The following SVEP1 variants were observed in gnomAD, a reference collection of about 807,000 sequenced individuals.
SVEP1 encodes the protein sushi, von Willebrand factor type A, EGF and pentraxin domain containing 1.
A neutral mutation model predicts 367.3 loss-of-function variants in SVEP1; 164 were observed. The ratio of observed to expected loss-of-function variants is 0.45; its 90% CI spans 0.39 to 0.51. SVEP1 has a LOEUF of 0.51. Among genes scored for constraint, SVEP1 ranks in the 20% least tolerant of loss-of-function variants. The pLI, the probability that SVEP1 is intolerant of heterozygous loss-of-function variation, is 0.00. For synonymous variants in SVEP1, 1,666 were observed against 1,611.6 expected (o/e 1.03, Z -0.81); for missense variants, 4,117 against 4,425.3 (o/e 0.93, Z 1.98).
At chr9:110,474,321 T>A (rs1175424045) in intron 14 of SVEP1, among the ~76,000 whole-genome samples, 1 of 152,142 alleles carries the variant, frequency 6.6e-6, no homozygotes, top group Non-Finnish European at 1.5e-5. Flanking sequence ...TTATATTACA[T>A]GATTATTATG....
chr9:110,511,488 C>CTTTTTTTTTTTTTTTTTT (rs199993986), intron 5 of SVEP1, among the ~76,000 whole-genome samples: 4 of 77,572 alleles, frequency 5.2e-5, no homozygotes, highest in East Asian at 4.4e-4. Flanking sequence ...GTGTCAGTAC[C>CTTTTTTTTTTTTTTTTTT]TTTTTTTTTT....
At position 110,380,175 on chromosome 9, in the gene SVEP1, C is replaced by T. The variant is rs147006405; in HGVS notation, c.10238-658G>A. Among the ~76,000 whole-genome samples, 1,371 of 152,116 alleles carry T rather than the reference C, an allele frequency of 9.0e-3. 26 individuals are homozygous for T. Among genetic ancestry groups the T allele is most frequent in the African/African-American group, 0.031 (1,298 of 41,520 alleles). On this transcript the variant is annotated intron_variant, in intron 43 of 47. Transcript: ENST00000374469. ...TCCTCTCTTTTAAAAGGGACATATG[C>T]GTATATTTAAATAGAAATTTTTATA...
intron 3 of SVEP1, among the ~76,000 whole-genome samples, chr9:110,517,597 C>CAA (rs10656763): frequency 0.36 from 44,586 of 125,488 alleles, 8,304 homozygotes; most frequent in Middle Eastern, 0.48. Flanking sequence ...GACGCTATCT[C>CAA]AAAAAAAAAA....
chr9:110,488,627 C>A (rs1167002417), intron 9 of SVEP1, among the ~76,000 whole-genome samples: 1 of 151,528 alleles, frequency 6.6e-6, no homozygotes, highest in Non-Finnish European at 1.5e-5. Flanking sequence ...TTTGGGAGGC[C>A]AACGTGAGAG....
At chr9:110,395,435 C>T (rs543220386) in intron 40 of SVEP1, among the ~76,000 whole-genome samples, 247 of 152,292 alleles carry the variant, frequency 1.6e-3, no homozygotes, top group Middle Eastern at 0.014. Flanking sequence ...TAGGAAGAAA[C>T]TGCATCAACT....
At chr9:110,471,636 G>A in intron 15 of SVEP1, 39 bp from the exon 16 acceptor site, 1 of 1,460,436 alleles carries the variant, frequency 6.8e-7, no homozygotes, top group Admixed American at 2.0e-5. Flanking sequence ...ACAAACACAT[G>A]GTGTTTCAGA....
chr9:110,476,398 C>T (rs576557250), intron 13 of SVEP1, 83 bp from the exon 14 acceptor site: 14 of 1,011,536 alleles, frequency 1.4e-5, no homozygotes, highest in African/African-American at 6.4e-5. Context: ...CTGGCCTTCA[C>T]GTCTCCATCA....
At position 110,501,223 on chromosome 9, in the gene SVEP1, A is replaced by G. The variant is rs1409414328; in HGVS notation, c.1483+1815T>C. Among the ~76,000 whole-genome samples the G allele has an allele frequency of 2.7e-5, 4 of 149,838 alleles. No individual in the cohort carries two copies. In the East Asian group the frequency reaches 7.8e-4, roughly 29 times the overall value. On this transcript the variant is annotated intron_variant, in intron 6 of 47. Coordinates refer to ENST00000374469, the MANE Select transcript of SVEP1 (RefSeq NM_153366.4). Reference sequence around the variant, plus strand: ...TTGGAAAGAACTTAACATTTTGAAAACATTTTATATAAATATTAAAATGTT... The same window carrying G: ...TTGGAAAGAACTTAACATTTTGAAAGCATTTTATATAAATATTAAAATGTT...
chr9:110,388,851 C>A (rs370610068), intron 41 of SVEP1, among the ~76,000 whole-genome samples: 2 of 151,710 alleles, frequency 1.3e-5, no homozygotes, highest in African/African-American at 4.9e-5. Context: ...TGCCTGTAGC[C>A]CCAGCTACTC....
chr9:110,396,767 C>A (rs1216591312), intron 40 of SVEP1, among the ~76,000 whole-genome samples: 2 of 151,996 alleles, frequency 1.3e-5, no homozygotes, highest in Admixed American at 1.3e-4. Context: ...TTCCTCGACA[C>A]ATACATCCTC....
rs1467705234 is a variant in SVEP1 at position 110,435,306 on chromosome 9, C to T, written c.4823G>A (p.Trp1608Ter). The change falls in exon 29 of 48, where the codon TGG becomes TAG. Residue 1608 changes from tryptophan (W) to a stop codon, truncating the protein, a stop_gained. Coordinates refer to ENST00000374469, the MANE Select transcript of SVEP1 (RefSeq NM_153366.4). LOFTEE classifies it high-confidence loss of function. ...EELSKGNVLA[W>*]PDFLSGIVGK... ...CACAATTCCTGACAAGAAATCAGGC[C>T]ATGCTAACACGTTTCCTTTACTGAG... The T allele has an allele frequency of 6.2e-7, 1 of 1,613,658 alleles. No homozygotes were observed. The highest frequency in any genetic ancestry group is 8.5e-7 in the Non-Finnish European group (1 of 1,179,626).
rs757507455 is a variant in SVEP1, at chr9:110,471,526, A to G, written c.2836T>C (p.Leu946=). ...WENQQRLLQT[L]ETITNKLKRT... ...TTCAGTTTATTTGTGATAGTTTCCA[A>G]TGTCTGAAGGAGTCGTTGCTGATTT... Residue 946 remains leucine (L), a synonymous_variant, in exon 16 of 48, where the codon TTG becomes CTG. Transcript: ENST00000374469. The G allele has an allele frequency of 5.6e-6, 9 of 1,613,952 alleles. No individual in the cohort carries two copies. In the Admixed American group the frequency reaches 1.3e-4, roughly 24 times the overall value.
chr9:110,408,358 T>C lies in SVEP1; in HGVS notation c.7242A>G (p.Leu2414=). ...VKYSCVGGFF[L]RGNSTTLCQP... is the part of the protein sequence containing the mutation. ...GGCAGAGGGTGGTAGAATTTCCTCT[T>C]AGGAAAAACCCACCTACACAAGAAT... Residue 2414 remains leucine (L), a synonymous_variant, in exon 38 of 48, where the codon CTA becomes CTG. Transcript: ENST00000374469. The C allele has an allele frequency of 6.2e-7, 1 of 1,613,902 alleles. No homozygotes were observed.
intron 42 of SVEP1, 51 bp from the exon 43 acceptor site, chr9:110,386,125 T>C (rs1284317799): frequency 3.2e-5 from 50 of 1,567,120 alleles, no homozygotes; most frequent in African/African-American, 4.1e-5. Flanking sequence ...CTTTTCCTAA[T>C]GTATTTCTTT....
chr9:110,431,882 T>G, intron 32 of SVEP1, 33 bp downstream of exon 32: 1 of 1,612,380 alleles, frequency 6.2e-7, no homozygotes. Context: ...AAGAATGGAA[T>G]TAGGAACTTT....
chr9:110,391,720 T>C (rs1190768205), intron 40 of SVEP1, among the ~76,000 whole-genome samples: 1 of 152,164 alleles, frequency 6.6e-6, no homozygotes, highest in Non-Finnish European at 1.5e-5. Flanking sequence ...TAAGAAACTC[T>C]TTACAAATAC....
chr9:110,525,022 T>A (rs1248287635), intron 3 of SVEP1, among the ~76,000 whole-genome samples: 1 of 152,156 alleles, frequency 6.6e-6, no homozygotes, highest in Non-Finnish European at 1.5e-5. Flanking sequence ...TTCTTAATAA[T>A]GAAAGTCCAA....
chr9:110,536,401 G>A (rs1830080095), intron 3 of SVEP1, among the ~76,000 whole-genome samples: 1 of 151,962 alleles, frequency 6.6e-6, no homozygotes, highest in Non-Finnish European at 1.5e-5. Flanking sequence ...AATGAGAAAT[G>A]TATGTAAGGC....
intron 13 of SVEP1, among the ~76,000 whole-genome samples, chr9:110,478,394 C>G (rs1429879060): frequency 6.6e-6 from 1 of 152,194 alleles, no homozygotes; most frequent in Non-Finnish European, 1.5e-5. Flanking sequence ...TAGAATAGGA[C>G]ATACTTACTA....
Sources: gnomAD v4.1 joint callset for allele counts (sites outside exome capture counted in the v4.1 genomes callset) on GRCh38, gnomAD v4.1.1 for gene constraint, MANE v1.5 for transcripts, NCBI Gene and HGNC (gene_info 2026-07-23, HGNC 2026-07-21) for gene names.